RNF150: variants seen among roughly 807,000 people sequenced by gnomAD.
RNF150 encodes ring finger protein 150.
Under a neutral mutation model 39.3 loss-of-function variants are expected in RNF150, and 24 were observed. That is an observed-to-expected ratio of 0.61 (90% confidence interval 0.44 to 0.86). The LOEUF (loss-of-function observed/expected upper bound fraction) is 0.86, where lower values mean the gene tolerates loss of function less well. RNF150 is among the 40% of genes least tolerant of loss of function. The pLI, the probability that RNF150 is intolerant of heterozygous loss-of-function variation, is 0.00. For missense variants in RNF150, 502 were observed against 587.8 expected (o/e 0.85, Z 1.51); for synonymous variants, 255 against 227.3 (o/e 1.12, Z -1.10).
chr4:141,036,789 T>C (rs1736164897), intron 1 of RNF150, among the ~76,000 whole-genome samples: 1 of 152,168 alleles, frequency 6.6e-6, no homozygotes, highest in Admixed American at 6.5e-5. Context: ...AATATACTGA[T>C]AATGCTTGCT....
At chr4:141,190,112 G>A (rs540752610) in intron 1 of RNF150, among the ~76,000 whole-genome samples, 2 of 152,270 alleles carry the variant, frequency 1.3e-5, no homozygotes, top group South Asian at 4.1e-4. Context: ...CTTCCTGGGT[G>A]AGGTGACACC....
chr4:141,198,575 C>T (rs1728242161), intron 1 of RNF150, among the ~76,000 whole-genome samples: 1 of 152,138 alleles, frequency 6.6e-6, no homozygotes, highest in Admixed American at 6.5e-5. Flanking sequence ...CAGATGATGA[C>T]AAGAGCGAAA....
rs1355271872 is a variant in RNF150 at position 140,861,051 on chromosome 4, C to T, written c.*7210G>A. 6.6e-6 allele frequency: 1 copy of T among 152,076 alleles called. No individual in the cohort carries two copies. Among genetic ancestry groups the T allele is most frequent in the Non-Finnish European group, 1.5e-5 (1 of 68,030 alleles). 9.4% of individuals were successfully genotyped at this position (152,076 alleles called of 1,614,324 possible). On this transcript the variant is annotated 3_prime_UTR_variant, in exon 7 of 7. Coordinates refer to ENST00000515673, the MANE Select transcript of RNF150 (RefSeq NM_020724.2). ...CCTCTATAAAAATAACAGTCCCTCC[C>T]CACTCCCACCCCTACATCTCCTTCT...
chr4:141,082,079 A>T (rs1738171326), intron 1 of RNF150, among the ~76,000 whole-genome samples: 1 of 152,254 alleles, frequency 6.6e-6, no homozygotes, highest in South Asian at 2.1e-4. Flanking sequence ...TTAATTGCAC[A>T]GTCACAACAC....
chr4:140,888,368 G>A (rs1476625478), intron 6 of RNF150, among the ~76,000 whole-genome samples: 2 of 152,062 alleles, frequency 1.3e-5, no homozygotes, highest in East Asian at 1.9e-4. Flanking sequence ...ATGCCTTCCC[G>A]GACAATCTAA....
chr4:141,211,758 T>C (rs985965044), intron 1 of RNF150, among the ~76,000 whole-genome samples: 20 of 152,190 alleles, frequency 1.3e-4, no homozygotes, highest in African/African-American at 4.8e-4. Flanking sequence ...TATTCAAAAT[T>C]AACAGTAAAT....
chr4:140,949,261 T>G (rs1007622450), intron 3 of RNF150, 40 bp downstream of exon 3: 18 of 1,515,950 alleles, frequency 1.2e-5, no homozygotes, highest in Non-Finnish European at 1.5e-5. Flanking sequence ...GAAGCTTCTT[T>G]GAATAGCTCC....
At chr4:140,890,680 C>A (rs1729726648) in intron 6 of RNF150, among the ~76,000 whole-genome samples, 1 of 152,142 alleles carries the variant, frequency 6.6e-6, no homozygotes, top group South Asian at 2.1e-4. Flanking sequence ...AACCATGCAG[C>A]CATCCTGATC....
intron 1 of RNF150, among the ~76,000 whole-genome samples, chr4:141,053,170 C>T (rs1560711581): frequency 6.6e-6 from 1 of 152,180 alleles, no homozygotes; most frequent in African/African-American, 2.4e-5. Context: ...CTTGGCATCT[C>T]TCCATTTAAA....
intron 1 of RNF150, among the ~76,000 whole-genome samples, chr4:140,968,920 A>G (rs902399016): frequency 1.3e-5 from 2 of 151,868 alleles, no homozygotes; most frequent in African/African-American, 4.8e-5. Context: ...ATCCAGGGAG[A>G]AAGATGCAAG....
chr4:141,145,970 A>G (rs2111132699), intron 1 of RNF150, among the ~76,000 whole-genome samples: 1 of 152,332 alleles, frequency 6.6e-6, no homozygotes. Context: ...AAGCATGTTC[A>G]GTGTCCCACT....
At chr4:141,153,706 G>A (rs1727338130) in intron 1 of RNF150, among the ~76,000 whole-genome samples, 1 of 152,094 alleles carries the variant, frequency 6.6e-6, no homozygotes, top group Admixed American at 6.6e-5. Flanking sequence ...TGGTCCAGAA[G>A]GATATAAAGT....
intron 1 of RNF150, among the ~76,000 whole-genome samples, chr4:141,149,138 T>G (rs1424784068): frequency 6.6e-6 from 1 of 152,232 alleles, no homozygotes; most frequent in Non-Finnish European, 1.5e-5. Flanking sequence ...TTGTGGGGAT[T>G]TCAAGAATCA....
chr4:140,969,873 G>C (rs924342275), intron 1 of RNF150, among the ~76,000 whole-genome samples: 1 of 143,318 alleles, frequency 7.0e-6, no homozygotes, highest in Non-Finnish European at 1.5e-5. Context: ...GCAATTTTTA[G>C]AGGCCTCAGC....
chr4:140,961,320 G>A (rs1733015223), intron 2 of RNF150, among the ~76,000 whole-genome samples: 1 of 152,124 alleles, frequency 6.6e-6, no homozygotes, highest in Non-Finnish European at 1.5e-5. Flanking sequence ...TAAGATGCTG[G>A]TGACTTTCTT....
chr4:140,872,635 G>T (rs865931222), intron 6 of RNF150, among the ~76,000 whole-genome samples: 1 of 152,196 alleles, frequency 6.6e-6, no homozygotes, highest in Non-Finnish European at 1.5e-5. Flanking sequence ...ATGATTTTTG[G>T]ATGAAGGATC....
chr4:141,132,161 ACCC>A lies in RNF150; in HGVS notation c.484+161_484+163del, dbSNP rs1219789483. On this transcript the variant is annotated intron_variant, in intron 1 of 6. Transcript: ENST00000515673. The surrounding 1 kb of genome is among the most constrained non-coding windows in gnomAD (Gnocchi z 4.9). ...ACAGTTAATCTTCTCCTCTTTGTAA[ACCC>A]CCCAAGTGACGCGGAGCAAAACTTA... is the stretch of plus-strand genomic sequence containing the variant. 2.0e-5 allele frequency among the ~76,000 whole-genome samples: 3 copies of A among 151,212 alleles called. No individual in the cohort carries two copies. The highest frequency in any genetic ancestry group is 4.4e-5 in the Non-Finnish European group (3 of 67,766).
upstream of RNF150, among the ~76,000 whole-genome samples, chr4:141,138,388 G>T (rs111717546): frequency 6.6e-6 from 1 of 151,956 alleles, no homozygotes; most frequent in Non-Finnish European, 1.5e-5. Flanking sequence ...TAGGCTCCTA[G>T]ATAACTGTCC....
At chr4:140,950,006 T>C (rs2111377998) in intron 2 of RNF150, among the ~76,000 whole-genome samples, 1 of 152,346 alleles carries the variant, frequency 6.6e-6, no homozygotes, top group South Asian at 2.1e-4. Context: ...CAAGAAATAA[T>C]ATATCATTCT....
Sources: allele counts gnomAD v4.1 joint callset (sites outside exome capture counted in the v4.1 genomes callset), GRCh38; gene constraint gnomAD v4.1.1; non-coding constraint Gnocchi (gnomAD v3.1); transcripts MANE v1.5; gene names NCBI Gene and HGNC (gene_info 2026-07-23, HGNC 2026-07-21).